FSIP2: variants seen among roughly 807,000 people sequenced by gnomAD.
FSIP2 encodes fibrous sheath interacting protein 2, also known as fibrous sheath-interacting protein 2.
Under a neutral mutation model 510.5 loss-of-function variants are expected in FSIP2, and 367 were observed. That is an observed-to-expected ratio of 0.72 (90% CI 0.66 to 0.78). FSIP2 has a LOEUF of 0.78. FSIP2 is among the 30% of genes least tolerant of loss of function. The pLI, the probability that FSIP2 is intolerant of heterozygous loss-of-function variation, is 0.00. For missense variants in FSIP2, 7,594 were observed against 7,901.7 expected (o/e 0.96, Z 1.48); for synonymous variants, 2,601 against 2,732.2 (o/e 0.95, Z 1.50).
In FSIP2 at chr2:185,800,240, G is replaced by A; in HGVS notation, c.10934G>A (p.Cys3645Tyr). 6.5e-7 allele frequency: 1 copy of A among 1,532,352 alleles called. No individual in the cohort carries two copies. The highest frequency in any genetic ancestry group is 8.7e-7 in the Non-Finnish European group (1 of 1,145,130). 94.9% of individuals were successfully genotyped at this position (1,532,352 alleles called of 1,614,324 possible). The stretch of plus-strand genomic sequence containing the variant: ...CATAGAAATAATAGTGTACCCCTTT[G>A]CAACAAAATCAATAGACAGGCAAGC... ...SMHRNNSVPL[C>Y]NKINRQASPR... Residue 3645 changes from cysteine (C) to tyrosine (Y), a missense_variant, in exon 17 of 23, where the codon TGC becomes TAC. Transcript: ENST00000424728.
intron 15 of FSIP2, among the ~76,000 whole-genome samples, chr2:185,786,955 A>G (rs1693000532): frequency 6.6e-6 from 1 of 151,970 alleles, no homozygotes; most frequent in Admixed American, 6.6e-5. Context: ...CTAGGATTCT[A>G]TCTATCATAT....
rs1490489566 is a variant in FSIP2, at chr2:185,795,711, T to C, written c.8575T>C (p.Leu2859=). ...CAAGGAAAATGAAAAATGTAAGCTA[T>C]TGATGATAGCTGAAAATGTTTTGAC... is the stretch of plus-strand genomic sequence containing the variant. ...NDKENEKCKL[L]MIAENVLTEI... Residue 2859 remains leucine, a synonymous_variant, in exon 16 of 23, where the codon TTG becomes CTG. Coordinates refer to ENST00000424728, the MANE Select transcript of FSIP2 (RefSeq NM_173651.4). 11 of 1,532,882 alleles carry C rather than the reference T, an allele frequency of 7.2e-6. No homozygotes were observed. Among genetic ancestry groups the C allele is most frequent in the Middle Eastern group, 1.7e-4 (1 of 5,990 alleles). The allele number at this position is 1,532,882 out of a possible 1,614,324, so 95.0% of individuals were successfully genotyped here. A position where few individuals can be genotyped will look rare whatever the true frequency, so the allele number is the denominator to read the frequency against.
At chr2:185,758,159 G>A (rs79837389) in intron 9 of FSIP2, among the ~76,000 whole-genome samples, 2,430 of 151,392 alleles carry the variant, frequency 0.016, 25 homozygotes, top group Middle Eastern at 0.038. Flanking sequence ...GTTACAGCAT[G>A]TGTCAATAGT....
chr2:185,809,070 GAGAAAGAC>G lies in FSIP2; in HGVS notation c.19773_19780del (p.Glu6592TyrfsTer5). 1 of 1,603,630 alleles carries G rather than the reference GAGAAAGAC, an allele frequency of 6.2e-7. No homozygotes were observed. The highest frequency in any genetic ancestry group is 8.5e-7 in the Non-Finnish European group (1 of 1,176,948). On this transcript the variant is annotated frameshift_variant, in exon 17 of 23. Transcript: ENST00000424728. LOFTEE classifies it high-confidence loss of function. The stretch of plus-strand genomic sequence containing the variant: ...CCTTAGGATCACCTGATTTAGAAAA[GAGAAAGAC>G]AGAAAGACGTACCTCATTGGATAAG...
intron 19 of FSIP2, among the ~76,000 whole-genome samples, chr2:185,823,031 C>G (rs765482202): frequency 7.3e-5 from 11 of 151,660 alleles, no homozygotes; most frequent in Non-Finnish European, 1.5e-4. Flanking sequence ...GAAGGTGAAC[C>G]CTTACCTTAC....
At chr2:185,760,525 A>G (rs943387748) in intron 9 of FSIP2, among the ~76,000 whole-genome samples, 8 of 148,150 alleles carry the variant, frequency 5.4e-5, no homozygotes, top group Non-Finnish European at 1.2e-4. Context: ...TAATATAAAC[A>G]AGTAAACTAA....
intron 4 of FSIP2, 95 bp downstream of exon 4, chr2:185,744,506 T>C: frequency 3.7e-6 from 1 of 272,006 alleles, no homozygotes. Context: ...TTTTGATCCT[T>C]TATTATTGAC....
At position 185,806,293 on chromosome 2, in the gene FSIP2, C is replaced by T. The variant is rs746214525; in HGVS notation, c.16987C>T (p.Gln5663Ter). ...SNEGRRDSPT[Q>*]TCRDEEHHSD... is the part of the protein sequence containing the mutation. The stretch of plus-strand genomic sequence containing the variant: ...TGAGGGGAGAAGAGACTCTCCAACA[C>T]AAACGTGTAGGGATGAGGAACACCA... Residue 5663 changes from glutamine (Q) to a stop codon, truncating the protein, a stop_gained, in exon 17 of 23, where the codon CAA (glutamine) becomes TAA (stop). Coordinates refer to ENST00000424728, the MANE Select transcript of FSIP2 (RefSeq NM_173651.4). LOFTEE classifies it high-confidence loss of function. 1 of 1,608,144 alleles carries T rather than the reference C, an allele frequency of 6.2e-7. No homozygotes were observed. Among genetic ancestry groups the T allele is most frequent in the South Asian group, 1.1e-5 (1 of 90,358 alleles).
chr2:185,786,592 T>G, intron 15 of FSIP2, among the ~76,000 whole-genome samples: 1 of 151,928 alleles, frequency 6.6e-6, no homozygotes, highest in Non-Finnish European at 1.5e-5. Flanking sequence ...ACAAGCCTAT[T>G]ATATCATGGG....
Position 185,796,414 on chromosome 2 carries a change from T to C in FSIP2, c.9278T>C (p.Ile3093Thr). 6.5e-7 allele frequency: 1 copy of C among 1,534,132 alleles called. No homozygotes were observed. Among genetic ancestry groups the C allele is most frequent in the Non-Finnish European group, 8.7e-7 (1 of 1,145,640 alleles). The change falls in exon 16 of 23, where the codon ATT becomes ACT. Residue 3093 changes from isoleucine to threonine, a missense_variant. Transcript: ENST00000424728. ...VNIISDMLAV[I>T]KNKLDNEISQ... is the part of the protein sequence containing the mutation. ...ATCATCAGTGACATGCTTGCTGTAATTAAGAACAAGCTAGACAACGAAATA... is the reference window on the plus strand; with the variant it reads ...ATCATCAGTGACATGCTTGCTGTAACTAAGAACAAGCTAGACAACGAAATA...
intron 7 of FSIP2, among the ~76,000 whole-genome samples, 171 bp from the exon 8 acceptor site, chr2:185,753,551 T>C (rs544870036): frequency 5.9e-5 from 9 of 151,614 alleles, no homozygotes; most frequent in Non-Finnish European, 1.3e-4. Flanking sequence ...ATTCTTTGTG[T>C]TTGATCACAA....
chr2:185,832,946 T>C (rs1694134250), intron 22 of FSIP2, 144 bp from the exon 23 acceptor site: 1 of 649,302 alleles, frequency 1.5e-6, no homozygotes, highest in African/African-American at 1.8e-5. Flanking sequence ...CATAGTACAG[T>C]AGGCATAATG....
At chr2:185,822,758 TTAAAA>T (rs1693946923) in intron 19 of FSIP2, among the ~76,000 whole-genome samples, 1 of 151,800 alleles carries the variant, frequency 6.6e-6, no homozygotes, top group Admixed American at 6.6e-5. Flanking sequence ...GAAAACAATC[TTAAAA>T]TAGAATAAAA....
chr2:185,828,020 A>C (rs1694045353), intron 20 of FSIP2, 136 bp from the exon 21 acceptor site: 2 of 567,450 alleles, frequency 3.5e-6, no homozygotes, highest in South Asian at 2.5e-5. Context: ...TTATACATTT[A>C]AAATAACAAC....
intron 10 of FSIP2, 42 bp from the exon 11 acceptor site, chr2:185,761,930 G>T: frequency 9.3e-7 from 1 of 1,071,906 alleles, no homozygotes; most frequent in Non-Finnish European, 1.3e-6. Flanking sequence ...TGGAAGTACA[G>T]TTACTAATGT....
Position 185,801,505 on chromosome 2 carries a change from A to T in FSIP2, c.12199A>T (p.Asn4067Tyr). 6.5e-7 allele frequency: 1 copy of T among 1,534,030 alleles called. No homozygotes were observed. The highest frequency in any genetic ancestry group is 8.7e-7 in the Non-Finnish European group (1 of 1,145,568). Residue 4067 changes from asparagine (N) to tyrosine (Y), a missense_variant, in exon 17 of 23, where the codon AAT (asparagine) becomes TAT (tyrosine). Physicochemically the swap from Asn to Tyr is moderately radical, Grantham distance 143 (BLOSUM62 -2). Transcript: ENST00000424728. ...TGAATTAAAAGTGGCCTGTGGTAATAATCCGGTATACGACAATGCCTCAAT... is the reference window on the plus strand; with the variant it reads ...TGAATTAAAAGTGGCCTGTGGTAATTATCCGGTATACGACAATGCCTCAAT... The part of the protein sequence containing the change: ...QYELKVACGN[N>Y]PVYDNASIAE...
rs1166768867 is a variant in FSIP2, at chr2:185,799,979, TATGTATTTCTGAA to T, written c.10676_10688del (p.Cys3559SerfsTer33). The stretch of plus-strand genomic sequence containing the variant: ...TCAATTTCCATTGGAGAACTTGCTT[TATGTATTTCTGAA>T]ATCATTATTAAAATTCTTTTTAATA... On this transcript the variant is annotated frameshift_variant, in exon 17 of 23. Transcript: ENST00000424728. LOFTEE classifies it high-confidence loss of function. The T allele has an allele frequency of 6.6e-7, 1 of 1,523,042 alleles. No homozygotes were observed. Among genetic ancestry groups the T allele is most frequent in the African/African-American group, 1.4e-5 (1 of 72,572 alleles). 94.3% of individuals were successfully genotyped at this position (1,523,042 alleles called of 1,614,324 possible). A position where few individuals can be genotyped will look rare whatever the true frequency, so the allele number is the denominator to read the frequency against.
intron 13 of FSIP2, among the ~76,000 whole-genome samples, chr2:185,767,567 C>G (rs2105569215): frequency 6.6e-6 from 1 of 152,160 alleles, no homozygotes; most frequent in Non-Finnish European, 1.5e-5. Flanking sequence ...GCTTATTACA[C>G]TTAGCATGAT....
At chr2:185,768,184 A>G (rs1692534863) in intron 13 of FSIP2, among the ~76,000 whole-genome samples, 2 of 152,064 alleles carry the variant, frequency 1.3e-5, no homozygotes, top group Admixed American at 6.6e-5. Flanking sequence ...CTTATCAGAT[A>G]TATGGTTTAC....
Sources: allele counts gnomAD v4.1 joint callset (sites outside exome capture counted in the v4.1 genomes callset), GRCh38; gene constraint gnomAD v4.1.1; transcripts MANE v1.5; gene names NCBI Gene and HGNC (gene_info 2026-07-23, HGNC 2026-07-21).